The following RNPS1 variants were observed in gnomAD, a reference collection of about 807,000 sequenced individuals.
The protein encoded by RNPS1 is RNA-binding protein with serine-rich domain 1.
For missense variants in RNPS1, 300 were observed against 427.6 expected (o/e 0.70, Z 2.63); for synonymous variants, 147 against 150.0 (o/e 0.98, Z 0.15).
Position 2,264,350 on chromosome 16 carries a change from T to G in RNPS1, c.72-19A>C, listed in dbSNP as rs747308429. 1.9e-6 allele frequency: 3 copies of G among 1,613,632 alleles called. No homozygotes were observed. ...AGGAGCCCTGGATGGTGAGGAAGAG[T>G]GTGAGATTGCGTGCTCCTCTGACCA... On this transcript the variant is annotated intron_variant, in intron 2 of 7. Coordinates refer to ENST00000320225, the MANE Select transcript of RNPS1 (RefSeq NM_080594.4).
chr16:2,257,186 GAGCATGCACCCCGACCTCA>G (rs1489529800), intron 6 of RNPS1: 1 of 152,250 alleles, frequency 6.6e-6, no homozygotes, highest in Non-Finnish European at 1.5e-5. Flanking sequence ...AACCCCAGGG[GAGCATGCACCCCGACCTCA>G]AGAATTGTCT....
intron 6 of RNPS1, chr16:2,256,038 T>C (rs2093576833): frequency 3.1e-6 from 1 of 320,168 alleles, no homozygotes; most frequent in Non-Finnish European, 5.9e-6. Context: ...GGCAGGAGAA[T>C]GGCGTGAACC....
chr16:2,260,273 A>G lies in RNPS1; in HGVS notation c.676+2005T>C, dbSNP rs2093597632. ...TAGGTTCAAGCAATTCTCCTGCCTC[A>G]GCCTCCCAAGTAGCTGGGACCACAG... On this transcript the variant is annotated intron_variant, in intron 6 of 7. Coordinates refer to ENST00000320225, the MANE Select transcript of RNPS1 (RefSeq NM_080594.4). 2.7e-5 allele frequency among the ~76,000 whole-genome samples: 4 copies of G among 147,686 alleles called. No homozygotes were observed. In the South Asian group the frequency reaches 8.5e-4, roughly 31 times the overall value.
rs117291307 is a variant in RNPS1, at chr16:2,255,692, G to A, written c.711C>T (p.Ala237=). ...GTGGCCTAGGCCAGGGGGCCAGCAC[G>A]GCGGTGGCAGTGATCTCCTGGCCAT... is the stretch of plus-strand genomic sequence containing the variant. The part of the protein sequence containing the change: ...QIDGQEITAT[A]VLAPWPRPPP... Residue 237 remains alanine (A), a synonymous_variant, in exon 7 of 8, where the codon GCC becomes GCT. Coordinates refer to ENST00000320225, the MANE Select transcript of RNPS1 (RefSeq NM_080594.4). 2.9e-3 allele frequency: 4,639 copies of A among 1,613,838 alleles called. 75 individuals carry two copies. The East Asian group carries it at 0.043, about 15-fold the overall frequency.
At chr16:2,258,925 C>G (rs973664287) in intron 6 of RNPS1, among the ~76,000 whole-genome samples, 3 of 151,886 alleles carry the variant, frequency 2.0e-5, no homozygotes, top group Admixed American at 6.6e-5. Flanking sequence ...GAGTTCAAGA[C>G]CAACCTGGCC....
chr16:2,268,018 C>A lies in RNPS1; in HGVS notation c.-118+37G>T, dbSNP rs999471268. ...CCTGCCGGGCCTGCCGGGCAGCCCC[C>A]GAAACACGGATGCAGTCGGATTCCG... On this transcript the variant is annotated intron_variant, in intron 1 of 7. Coordinates refer to ENST00000320225, the MANE Select transcript of RNPS1 (RefSeq NM_080594.4). 3.9e-6 allele frequency: 6 copies of A among 1,533,754 alleles called. No individual in the cohort carries two copies. The Admixed American group carries it at 1.2e-4, about 30-fold the overall frequency.
Position 2,268,063 on chromosome 16 carries a change from G to A in RNPS1, c.-126C>T, listed in dbSNP as rs774992714. On this transcript the variant is annotated 5_prime_UTR_variant, in exon 1 of 8. Coordinates refer to ENST00000320225, the MANE Select transcript of RNPS1 (RefSeq NM_080594.4). ...ATTCCGCCCCAACTTACATCTTCCC[G>A]CCGCCGCCACCTCCTCCTGCTTTCC... 2.7e-5 allele frequency: 42 copies of A among 1,534,822 alleles called. No individual in the cohort carries two copies. Among genetic ancestry groups the A allele is most frequent in the Middle Eastern group, 3.6e-4 (2 of 5,550 alleles).
chr16:2,260,814 T>A (rs918742856), intron 6 of RNPS1, among the ~76,000 whole-genome samples: 1 of 152,202 alleles, frequency 6.6e-6, no homozygotes, highest in African/African-American at 2.4e-5. Flanking sequence ...TATTTGTCTT[T>A]TAATAAAAAT....
intron 7 of RNPS1, among the ~76,000 whole-genome samples, chr16:2,254,574 G>T (rs1393605956): frequency 1.3e-5 from 2 of 151,970 alleles, no homozygotes; most frequent in Non-Finnish European, 2.9e-5. Context: ...TGGGATTACA[G>T]GCGTGAGCCA....
intron 6 of RNPS1, chr16:2,257,532 A>G (rs909099948): frequency 2.0e-5 from 3 of 152,200 alleles, no homozygotes; most frequent in African/African-American, 7.2e-5. Flanking sequence ...AAGGGGAGAC[A>G]CACAAAAAAA....
intron 1 of RNPS1, chr16:2,265,758 C>G (rs556930180): frequency 6.6e-6 from 1 of 152,258 alleles, no homozygotes; most frequent in Non-Finnish European, 1.5e-5. Flanking sequence ...GCTGGGATTA[C>G]AGGCGTGAGC....
At chr16:2,265,067 C>G (rs982450128) in intron 1 of RNPS1, 4 of 170,436 alleles carry the variant, frequency 2.3e-5, no homozygotes, top group Admixed American at 1.7e-4. Flanking sequence ...TTGATGAGCC[C>G]CTGCAGTCCT....
intron 5 of RNPS1, 34 bp downstream of exon 5, chr16:2,262,706 C>G (rs1399273145): frequency 3.2e-6 from 5 of 1,567,326 alleles, no homozygotes; most frequent in Admixed American, 3.4e-5. Flanking sequence ...TTGTCCACAC[C>G]CCACTGCCCA....
chr16:2,263,548 G>A (rs933450463), intron 3 of RNPS1, among the ~76,000 whole-genome samples: 7 of 152,338 alleles, frequency 4.6e-5, no homozygotes, highest in East Asian at 1.9e-4. Context: ...GGGAGGCAAA[G>A]GACTCTGGCA....
At position 2,263,175 on chromosome 16, in the gene RNPS1, T is replaced by A. The variant is rs760730284; in HGVS notation, c.340A>T (p.Ser114Cys). 6 of 1,613,858 alleles carry A rather than the reference T, an allele frequency of 3.7e-6. No homozygotes were observed. The South Asian group carries it at 5.5e-5, about 15-fold the overall frequency. The change falls in exon 4 of 8, where the codon AGC (serine) becomes TGC (cysteine). Residue 114 changes from serine (S) to cysteine (C), a missense_variant. Physicochemically the swap from Ser to Cys is moderately radical, Grantham distance 112. Transcript: ENST00000320225. ...SRSGSSSTSR[S>C]SSSSSSSGSP... ...CCAGAAGAGCTGCTAGAGCTGGAGC[T>A]GCGGGAGGTGCTGGAGCTTCCTGAG...
intron 1 of RNPS1, chr16:2,267,282 G>A (rs1291828557): frequency 1.0e-6 from 1 of 984,524 alleles, no homozygotes; most frequent in African/African-American, 1.7e-5. Flanking sequence ...ATCTCGAGGA[G>A]AGGGCGTTTC....
chr16:2,267,653 G>A (rs1016046900), intron 1 of RNPS1: 59 of 1,107,524 alleles, frequency 5.3e-5, no homozygotes, highest in Non-Finnish European at 6.0e-5. Context: ...ACCCGTCCGC[G>A]TTCACTCACA....
intron 6 of RNPS1, among the ~76,000 whole-genome samples, chr16:2,259,884 G>C (rs1220405555): frequency 6.6e-6 from 1 of 152,018 alleles, no homozygotes; most frequent in Admixed American, 6.5e-5. Flanking sequence ...GCGAGACTCC[G>C]TCTCAAAAAA....
intron 1 of RNPS1, chr16:2,266,355 T>G (rs1567329966): frequency 8.1e-6 from 8 of 985,304 alleles, no homozygotes; most frequent in Non-Finnish European, 9.6e-6. Flanking sequence ...ACCCAGCAGA[T>G]AGTGCCTCGA....
Sources: gnomAD v4.1 joint callset for allele counts (sites outside exome capture counted in the v4.1 genomes callset) on GRCh38, gnomAD v4.1.1 for gene constraint, MANE v1.5 for transcripts, NCBI Gene and HGNC (gene_info 2026-07-23, HGNC 2026-07-21) for gene names.